PTTG1IP: variants seen among roughly 807,000 people sequenced by gnomAD.
PTTG1IP encodes PTTG1 interacting protein.
In PTTG1IP, 16 loss-of-function variants were observed where a neutral mutation model predicts 24.4. That is an observed-to-expected ratio of 0.66 (90% CI 0.44 to 1.00). The LOEUF is 1.00. PTTG1IP is among the 50% of genes least tolerant of loss of function. PTTG1IP has a pLI of 0.00. For missense variants in PTTG1IP, 241 were observed against 245.8 expected (o/e 0.98, Z 0.13); for synonymous variants, 89 against 96.8 (o/e 0.92, Z 0.47).
At chr21:44,869,777 G>T (rs1346217226) in intron 1 of PTTG1IP, among the ~76,000 whole-genome samples, 1 of 152,156 alleles carries the variant, frequency 6.6e-6, no homozygotes, top group Admixed American at 6.5e-5. Context: ...AATACAATCT[G>T]GGCAAGGAGA....
chr21:44,860,106 C>T (rs145170020), intron 3 of PTTG1IP, among the ~76,000 whole-genome samples: 1 of 152,298 alleles, frequency 6.6e-6, no homozygotes, highest in African/African-American at 2.4e-5. Context: ...CAGTGGCTCA[C>T]GCCTGTAATC....
rs1346302683 is a variant in PTTG1IP, at chr21:44,850,120, TC to T, written c.*1460del. ...GCTGTTTGACGAGTTCTTGAAGTGT[TC>T]TGGATCAGTGATCTGCCTGTGAACT... On this transcript the variant is annotated 3_prime_UTR_variant, in exon 6 of 6. Transcript: ENST00000330938. The T allele has an allele frequency of 3.3e-5, 5 of 152,242 alleles. No homozygotes were observed. Among genetic ancestry groups the T allele is most frequent in the Non-Finnish European group, 5.9e-5 (4 of 68,034 alleles). The allele number at this position is 152,242 out of a possible 1,614,324, so 9.4% of individuals were successfully genotyped here.
Position 44,861,289 on chromosome 21 carries a change from T to A in PTTG1IP, c.169-18A>T, listed in dbSNP as rs772430025. The A allele has an allele frequency of 6.3e-7, 1 of 1,588,780 alleles. No individual in the cohort carries two copies. Among genetic ancestry groups the A allele is most frequent in the South Asian group, 1.1e-5 (1 of 89,948 alleles). ...CAAAGACACTGAAAGAGACCAACAT[T>A]AAGCAAGCATTAGAAACAACAGAAA... On this transcript the variant is annotated intron_variant, in intron 2 of 5. Coordinates refer to ENST00000330938, the MANE Select transcript of PTTG1IP (RefSeq NM_004339.4).
chr21:44,853,745 G>A (rs2083428279), intron 5 of PTTG1IP, among the ~76,000 whole-genome samples: 1 of 152,164 alleles, frequency 6.6e-6, no homozygotes, highest in Non-Finnish European at 1.5e-5. Flanking sequence ...CGACAGAGAG[G>A]GTGGGGCAAG....
Position 44,873,519 on chromosome 21 carries a change from T to A in PTTG1IP, c.98A>T (p.Gln33Leu). The A allele has an allele frequency of 6.8e-7, 1 of 1,461,924 alleles. No homozygotes were observed. Among genetic ancestry groups the A allele is most frequent in the Non-Finnish European group, 9.0e-7 (1 of 1,113,306 alleles). The allele number at this position is 1,461,924 out of a possible 1,614,324, so 90.6% of individuals were successfully genotyped here. A position where few individuals can be genotyped will look rare whatever the true frequency, so the allele number is the denominator to read the frequency against. Residue 33 changes from glutamine to leucine, a missense_variant, in exon 1 of 6, where the codon CAG becomes CTG. Physicochemically the swap from Gln to Leu is moderately radical, Grantham distance 113. Transcript: ENST00000330938. ...GCCCTCACCAGCTCCGGGAGGCTCCTGCGCGGCGGCCACCGGGATGAGCAG... is the reference window on the plus strand; with the variant it reads ...GCCCTCACCAGCTCCGGGAGGCTCCAGCGCGGCGGCCACCGGGATGAGCAG... Reference protein sequence around the residue: ...LLLLIPVAAAQEPPGAACSQN... With the variant: ...LLLLIPVAAALEPPGAACSQN...
intron 5 of PTTG1IP, among the ~76,000 whole-genome samples, chr21:44,853,768 G>A (rs2083428466): frequency 6.6e-6 from 1 of 152,218 alleles, no homozygotes; most frequent in African/African-American, 2.4e-5. Flanking sequence ...CAAGGCAGCA[G>A]TGAAGAGAAC....
chr21:44,854,749 G>A lies in PTTG1IP; in HGVS notation c.496+461C>T, dbSNP rs2083436152. On this transcript the variant is annotated intron_variant, in intron 5 of 5. Transcript: ENST00000330938. ...AGACACAACCAAACAAGAACAGAAC[G>A]CCGAGGCTGGGCGAGAAGGAGCAGG... Among the ~76,000 whole-genome samples the A allele has an allele frequency of 1.3e-5, 2 of 152,174 alleles. 1 individual carries two copies. Among genetic ancestry groups the A allele is most frequent in the South Asian group, 4.1e-4 (2 of 4,820 alleles).
At chr21:44,852,275 T>C (rs879436404) in intron 5 of PTTG1IP, among the ~76,000 whole-genome samples, 3 of 152,074 alleles carry the variant, frequency 2.0e-5, no homozygotes, top group Non-Finnish European at 4.4e-5. Context: ...CTCCGCCTCC[T>C]GGGTTCAAGG....
chr21:44,865,478 C>T (rs747764954), intron 1 of PTTG1IP, 31 bp from the exon 2 acceptor site: 3 of 1,610,564 alleles, frequency 1.9e-6, no homozygotes, highest in East Asian at 2.2e-5. Context: ...ACAAGTCAGT[C>T]ACTGAGAATC....
At chr21:44,864,668 A>T (rs924051870) in intron 2 of PTTG1IP, among the ~76,000 whole-genome samples, 1 of 152,174 alleles carries the variant, frequency 6.6e-6, no homozygotes, top group Non-Finnish European at 1.5e-5. Context: ...AAGTGCTGGG[A>T]TTACAGGCGT....
intron 2 of PTTG1IP, chr21:44,862,070 C>T: frequency 1.8e-6 from 1 of 557,932 alleles, no homozygotes; most frequent in Non-Finnish European, 3.2e-6. Context: ...GAGACAACAC[C>T]ATCACACCCG....
At chr21:44,861,877 T>A (rs1569324373) in intron 2 of PTTG1IP, 2 of 717,004 alleles carry the variant, frequency 2.8e-6, no homozygotes. Flanking sequence ...TGGGTGAGCA[T>A]GGTCACCATC....
At chr21:44,853,708 T>G (rs558054031) in intron 5 of PTTG1IP, among the ~76,000 whole-genome samples, 73 of 150,510 alleles carry the variant, frequency 4.9e-4, no homozygotes, top group African/African-American at 1.7e-3. Flanking sequence ...CACCACCCAC[T>G]CCAGACACAC....
At chr21:44,865,256 C>T (rs2083526297) in intron 2 of PTTG1IP, 139 bp downstream of exon 2, 2 of 823,196 alleles carry the variant, frequency 2.4e-6, no homozygotes, top group Non-Finnish European at 4.0e-6. Context: ...CATTTGATAA[C>T]GATTCCAAAA....
chr21:44,868,341 C>T (rs1166798088), intron 1 of PTTG1IP, among the ~76,000 whole-genome samples: 1 of 152,188 alleles, frequency 6.6e-6, no homozygotes, highest in East Asian at 1.9e-4. Flanking sequence ...AATTCAACTC[C>T]TAGCTCTGTC....
In PTTG1IP at chr21:44,855,200, C is replaced by T; in HGVS notation, c.496+10G>A. 1 of 1,606,554 alleles carries T rather than the reference C, an allele frequency of 6.2e-7. No homozygotes were observed. Among genetic ancestry groups the T allele is most frequent in the Non-Finnish European group, 8.5e-7 (1 of 1,173,186 alleles). On this transcript the variant is annotated intron_variant, in intron 5 of 5. Coordinates refer to ENST00000330938, the MANE Select transcript of PTTG1IP (RefSeq NM_004339.4). ...CAACCAGACAAAAAGGAGGCGTGAC[C>T]AGTCCTTACCATATTTTTTTCTGAT...
At chr21:44,864,149 G>C (rs1176400202) in intron 2 of PTTG1IP, among the ~76,000 whole-genome samples, 1 of 152,230 alleles carries the variant, frequency 6.6e-6, no homozygotes, top group African/African-American at 2.4e-5. Flanking sequence ...AAGGGGCAAG[G>C]GGTGGGCGAG....
rs1569320556 is a variant in PTTG1IP, at chr21:44,853,123, C to A, written c.497-1496G>T. Among the ~76,000 whole-genome samples the A allele has an allele frequency of 2.6e-5, 4 of 152,352 alleles. No individual in the cohort carries two copies. In the South Asian group the frequency reaches 8.3e-4, roughly 32 times the overall value. Reference sequence around the variant, plus strand: ...CAGTAAAGGTCGAGCAACTTAAACACAGCTTGTGCTTGGTGATAACAGGTG... The same window carrying A: ...CAGTAAAGGTCGAGCAACTTAAACAAAGCTTGTGCTTGGTGATAACAGGTG... On this transcript the variant is annotated intron_variant, in intron 5 of 5. Transcript: ENST00000330938.
chr21:44,851,802 C>T (rs1182183298), intron 5 of PTTG1IP, among the ~76,000 whole-genome samples, 175 bp from the exon 6 acceptor site: 1 of 152,154 alleles, frequency 6.6e-6, no homozygotes, highest in Non-Finnish European at 1.5e-5. Flanking sequence ...CCACTTTAAA[C>T]TTTAAAACTG....
Sources: allele counts gnomAD v4.1 joint callset (sites outside exome capture counted in the v4.1 genomes callset), GRCh38; gene constraint gnomAD v4.1.1; transcripts MANE v1.5; gene names NCBI Gene and HGNC (gene_info 2026-07-23, HGNC 2026-07-21).